The following GPC3 variants were observed in gnomAD, a reference collection of about 807,000 sequenced individuals.
The protein encoded by GPC3 is glypican 3, also known as glypican-3.
A neutral mutation model predicts 34.4 loss-of-function variants in GPC3; 3 were observed. The ratio of observed to expected loss-of-function variants is 0.09; its 90% CI spans 0.04 to 0.23. GPC3 has a LOEUF of 0.23. Ranked by LOEUF, GPC3 falls within the 10% of genes least tolerant of loss-of-function variation. GPC3 has a pLI of 1.00. For synonymous variants in GPC3, 177 were observed against 174.0 expected (o/e 1.02, Z -0.13); for missense variants, 351 against 445.6 (o/e 0.79, Z 1.91).
intron 2 of GPC3, among the ~76,000 whole-genome samples, chrX:133,776,378 G>A (rs762358551): frequency 1.4e-4 from 16 of 110,678 alleles, no homozygotes; most frequent in Non-Finnish European, 2.5e-4. Context: ...TCTCGTCTAC[G>A]CATAGATCCA....
chrX:133,698,766 T>C (rs1326205842), intron 4 of GPC3, among the ~76,000 whole-genome samples: 2 of 111,888 alleles, frequency 1.8e-5, no homozygotes, highest in Non-Finnish European at 3.8e-5. Context: ...ACAAACCCTC[T>C]TAATAACATC....
At chrX:133,759,696 A>G (rs2071767210) in intron 2 of GPC3, among the ~76,000 whole-genome samples, 1 of 112,118 alleles carries the variant, frequency 8.9e-6, no homozygotes, top group Admixed American at 9.5e-5. Flanking sequence ...ACTGACCTTA[A>G]GTTTAGCAGT....
At chrX:133,611,700 A>C (rs953531249) in intron 6 of GPC3, among the ~76,000 whole-genome samples, 1 of 112,169 alleles carries the variant, frequency 8.9e-6, no homozygotes, top group Non-Finnish European at 1.9e-5. Flanking sequence ...CTTTCAACTA[A>C]ATCAAAACTT....
chrX:133,925,114 A>G (rs1032960041), intron 2 of GPC3, among the ~76,000 whole-genome samples: 2 of 107,954 alleles, frequency 1.9e-5, no homozygotes, highest in African/African-American at 6.7e-5. Context: ...TCTAACATCA[A>G]TCCCCAACAG....
In GPC3 at chrX:133,553,865, C is replaced by T. The variant is rs552574265; in HGVS notation, c.1574-17572G>A. On this transcript the variant is annotated intron_variant, in intron 7 of 7. Coordinates refer to ENST00000370818, the MANE Select transcript of GPC3 (RefSeq NM_004484.4). ...AATTTACTGAGGTGTGCAACTATCA[C>T]TATAATCCAATTTTAGATCATTTTC... 3.6e-4 allele frequency among the ~76,000 whole-genome samples: 40 copies of T among 112,147 alleles called. No homozygotes were observed. The South Asian group carries it at 0.014, about 38-fold the overall frequency.
chrX:133,558,174 C>T (rs2069507343), intron 7 of GPC3, among the ~76,000 whole-genome samples: 1 of 111,389 alleles, frequency 9.0e-6, no homozygotes, highest in African/African-American at 3.3e-5. Flanking sequence ...TTAGGTCACC[C>T]AGGGGAGAAA....
At chrX:133,646,956 C>T (rs1471150901) in intron 6 of GPC3, among the ~76,000 whole-genome samples, 1 of 111,913 alleles carries the variant, frequency 8.9e-6, no homozygotes, top group Non-Finnish European at 1.9e-5. Flanking sequence ...TGGTATTATT[C>T]CACTGCATTT....
chrX:133,552,280 A>G (rs1318886778), intron 7 of GPC3, among the ~76,000 whole-genome samples: 1 of 112,176 alleles, frequency 8.9e-6, no homozygotes, highest in Non-Finnish European at 1.9e-5. Flanking sequence ...ATGGCAGGGA[A>G]GAAGGGTGAA....
chrX:133,666,981 C>G (rs907866907), intron 5 of GPC3, among the ~76,000 whole-genome samples: 21 of 111,715 alleles, frequency 1.9e-4, no homozygotes, highest in Non-Finnish European at 4.0e-4. Context: ...TTACCATGAC[C>G]ATTTTTAATC....
At chrX:133,741,694 G>A (rs367671542) in intron 3 of GPC3, among the ~76,000 whole-genome samples, 4 of 112,684 alleles carry the variant, frequency 3.5e-5, no homozygotes, top group South Asian at 3.6e-4. Flanking sequence ...GATAATCCCC[G>A]TCTCATTAGT....
intron 2 of GPC3, among the ~76,000 whole-genome samples, chrX:133,948,334 A>C (rs1255670090): frequency 9.0e-6 from 1 of 110,628 alleles, no homozygotes; most frequent in Non-Finnish European, 1.9e-5. Context: ...GGAGTGGGAG[A>C]GACAGGAATC....
At chrX:133,821,715 C>T (rs1938673856) in intron 2 of GPC3, among the ~76,000 whole-genome samples, 1 of 111,445 alleles carries the variant, frequency 9.0e-6, no homozygotes. Flanking sequence ...AGACAAATAG[C>T]GAGCAGAAGC....
intron 2 of GPC3, among the ~76,000 whole-genome samples, chrX:133,841,438 G>A (rs1415061247): frequency 9.3e-6 from 1 of 107,956 alleles, no homozygotes; most frequent in Admixed American, 1.0e-4. Context: ...TACAATTAGA[G>A]ATGTCACGAT....
intron 2 of GPC3, among the ~76,000 whole-genome samples, chrX:133,872,099 A>G (rs2075996096): frequency 1.8e-5 from 2 of 111,651 alleles, no homozygotes; most frequent in African/African-American, 6.5e-5. Context: ...ATGCACCACC[A>G]CATCCAGCAC....
At chrX:133,918,980 C>G (rs1372741728) in intron 2 of GPC3, among the ~76,000 whole-genome samples, 1 of 111,679 alleles carries the variant, frequency 9.0e-6, no homozygotes, top group African/African-American at 3.3e-5. Context: ...ACAGAGCAGT[C>G]CCTGCTGCAG....
chrX:133,958,995 G>A (rs1298249980), intron 1 of GPC3, among the ~76,000 whole-genome samples: 2 of 111,663 alleles, frequency 1.8e-5, no homozygotes, highest in African/African-American at 3.3e-5. Flanking sequence ...ACAACTTCTC[G>A]CACATTGGGT....
intron 2 of GPC3, among the ~76,000 whole-genome samples, chrX:133,770,258 A>C (rs2071901928): frequency 1.8e-5 from 2 of 111,424 alleles, no homozygotes; most frequent in Non-Finnish European, 3.8e-5. Flanking sequence ...CCTAGGTGAC[A>C]GAGGAAGACC....
intron 2 of GPC3, among the ~76,000 whole-genome samples, chrX:133,808,264 A>G (rs977708198): frequency 8.9e-6 from 1 of 112,086 alleles, no homozygotes; most frequent in African/African-American, 3.2e-5. Context: ...AAAGAACTTA[A>G]TGAAAACCAT....
intron 3 of GPC3, among the ~76,000 whole-genome samples, chrX:133,733,260 G>T (rs2071479378): frequency 9.0e-6 from 1 of 110,555 alleles, no homozygotes; most frequent in African/African-American, 3.3e-5. Flanking sequence ...CATGCAAAGT[G>T]ATATAATGGA....
Sources: gnomAD v4.1 joint callset for allele counts (sites outside exome capture counted in the v4.1 genomes callset) on GRCh38, gnomAD v4.1.1 for gene constraint, MANE v1.5 for transcripts, NCBI Gene and HGNC (gene_info 2026-07-23, HGNC 2026-07-21) for gene names.